LARGE1: variants seen among roughly 807,000 people sequenced by gnomAD.
LARGE1 encodes xylosyl- and glucuronyltransferase LARGE1.
LARGE1 carries 43 observed loss-of-function variants against 87.6 expected under a neutral mutation model. The ratio of observed to expected loss-of-function variants is 0.49; its 90% confidence interval spans 0.38 to 0.63. The LOEUF is 0.63. Among genes scored for constraint, LARGE1 ranks in the 30% least tolerant of loss-of-function variants. The pLI is 0.00. For missense variants in LARGE1, 802 were observed against 1,000.2 expected, an observed-to-expected ratio of 0.80 and a Z score of 2.67; for synonymous variants, 434 against 394.6, an observed-to-expected ratio of 1.10 and a Z score of -1.18.
At position 33,762,213 on chromosome 22, in the gene LARGE1, C is replaced by CAA. The variant is rs56832457; in HGVS notation, c.-82-657_-82-656dup. Among the ~76,000 whole-genome samples, 43 of 84,470 alleles carry CAA rather than the reference C, an allele frequency of 5.1e-4. 3 individuals carry two copies. The highest frequency in any genetic ancestry group is 1.5e-3 in the African/African-American group (30 of 19,582). The allele number at this position is 84,470 out of a possible 152,430, so 55.4% of individuals were successfully genotyped here. A position where few individuals can be genotyped will look rare whatever the true frequency, so the allele number is the denominator to read the frequency against. On this transcript the variant is annotated intron_variant, in intron 1 of 14. Transcript: ENST00000397394. ...AGGGAGACAGAGCGAGATTCTATCT[C>CAA]AAAAAAAAAAAAAAAAAAAAAAAAA...
chr22:33,464,930 C>G (rs1365294655), intron 6 of LARGE1, among the ~76,000 whole-genome samples: 2 of 151,768 alleles, frequency 1.3e-5, no homozygotes, highest in South Asian at 4.2e-4. Context: ...CATACATGCA[C>G]GTACACATAC....
intron 1 of LARGE1, among the ~76,000 whole-genome samples, chr22:33,865,285 A>G (rs993471879): frequency 6.6e-6 from 1 of 152,252 alleles, no homozygotes; most frequent in African/African-American, 2.4e-5. Context: ...GCAAGACTGC[A>G]GATAATTTCA....
At chr22:33,671,710 A>G (rs1299067055) in intron 2 of LARGE1, among the ~76,000 whole-genome samples, 1 of 152,228 alleles carries the variant, frequency 6.6e-6, no homozygotes, top group East Asian at 1.9e-4. Context: ...CCTTTCTCTT[A>G]AGCATCGTTT....
chr22:33,195,555 TAAATTATAGATTTACA>T (rs1333395778), intron 11 of LARGE1, among the ~76,000 whole-genome samples: 1 of 151,974 alleles, frequency 6.6e-6, no homozygotes, highest in Non-Finnish European at 1.5e-5. Flanking sequence ...TATTTGACAT[TAAATTATAGATTTACA>T]ATAATGTATG....
intron 11 of LARGE1, among the ~76,000 whole-genome samples, chr22:33,202,097 C>T (rs115377234): frequency 0.013 from 1,859 of 138,940 alleles, 42 homozygotes; most frequent in African/African-American, 0.045. Flanking sequence ...GATCACATCA[C>T]GGCATGATAA....
At chr22:33,070,017 T>A in the LARGE1 span, among the ~76,000 whole-genome samples, 5 of 152,172 alleles carry the variant, frequency 3.3e-5, no homozygotes, top group East Asian at 5.8e-4. Flanking sequence ...AGATGGGGTT[T>A]CTACATGTTG....
rs556077899 is a variant in LARGE1 at position 33,410,300 on chromosome 22, C to T, written c.892+21861G>A. Among the ~76,000 whole-genome samples the T allele has an allele frequency of 8.5e-5, 13 of 152,150 alleles. 1 individual carries two copies. The highest frequency in any genetic ancestry group is 2.9e-4 in the African/African-American group (12 of 41,512). On this transcript the variant is annotated intron_variant, in intron 7 of 14. Transcript: ENST00000397394. Reference sequence around the variant, plus strand: ...ACTGGGGAGGGAGCTAGAAAAATCCCCAGAGCTAAGTAACTGCTTGATATG... The same window carrying T: ...ACTGGGGAGGGAGCTAGAAAAATCCTCAGAGCTAAGTAACTGCTTGATATG...
rs190660851 is a variant in LARGE1, at chr22:33,868,793, C to T, written c.-83+51202G>A. ...TCATCATGCATTTACTGTATGTCTACCCCATGGCAGGCACAGCACACAGAC... is the reference window on the plus strand; with the variant it reads ...TCATCATGCATTTACTGTATGTCTATCCCATGGCAGGCACAGCACACAGAC... On this transcript the variant is annotated intron_variant, in intron 1 of 14. Coordinates refer to ENST00000397394, the MANE Select transcript of LARGE1 (RefSeq NM_133642.5). Among the ~76,000 whole-genome samples the T allele has an allele frequency of 6.2e-4, 94 of 152,300 alleles. 1 individual carries two copies. The highest frequency in any genetic ancestry group is 4.6e-3 in the Admixed American group (70 of 15,300).
In LARGE1 at chr22:33,882,040, T is replaced by G. The variant is rs1404863432; in HGVS notation, c.-83+37955A>C. On this transcript the variant is annotated intron_variant, in intron 1 of 14. Transcript: ENST00000397394. ...TGCGGGGTTTTTTTGTTTTTGTTTT[T>G]TTTTGTTTTTTTTTTTTTTTGAGAC... Among the ~76,000 whole-genome samples the G allele has an allele frequency of 4.7e-5, 7 of 148,624 alleles. 1 individual carries two copies. The highest frequency in any genetic ancestry group is 1.0e-4 in the African/African-American group (4 of 39,234).
chr22:33,886,656 C>CAAAA lies in LARGE1; in HGVS notation c.-83+33335_-83+33338dup, dbSNP rs869173776. On this transcript the variant is annotated intron_variant, in intron 1 of 14. Transcript: ENST00000397394. ...CCTGGACAACAGAGTGAGATTCTGCCAAAAAAAAAAAAAAAAAAGAAAAAA... is the reference window on the plus strand; with the variant it reads ...CCTGGACAACAGAGTGAGATTCTGCCAAAAAAAAAAAAAAAAAAAAAAGAAAAAA... Among the ~76,000 whole-genome samples, 17 of 34,570 alleles carry CAAAA rather than the reference C, an allele frequency of 4.9e-4. 2 individuals are homozygous for CAAAA. Among genetic ancestry groups the CAAAA allele is most frequent in the African/African-American group, 5.6e-4 (7 of 12,414 alleles). The allele number at this position is 34,570 out of a possible 152,430, so 22.7% of individuals were successfully genotyped here.
chr22:33,224,135 G>A (rs1925601836), intron 11 of LARGE1, among the ~76,000 whole-genome samples: 1 of 152,106 alleles, frequency 6.6e-6, no homozygotes, highest in South Asian at 2.1e-4. Flanking sequence ...GCGTGGTGGT[G>A]GGCACCTGTT....
chr22:33,738,409 T>G (rs1305624298), intron 2 of LARGE1, among the ~76,000 whole-genome samples: 1 of 152,064 alleles, frequency 6.6e-6, no homozygotes, highest in Non-Finnish European at 1.5e-5. Flanking sequence ...GCATCAGGCA[T>G]TTGGAAAGCC....
intron 6 of LARGE1, among the ~76,000 whole-genome samples, chr22:33,540,679 C>T (rs5994772): frequency 0.15 from 22,150 of 152,024 alleles, 2,375 homozygotes; most frequent in African/African-American, 0.3. Context: ...AGGGAGCTTT[C>T]AAAAATACGG....
In LARGE1 at chr22:33,363,487, G is replaced by A. The variant is rs898359091; in HGVS notation, c.1131+18432C>T. Among the ~76,000 whole-genome samples the A allele has an allele frequency of 1.3e-5, 2 of 149,170 alleles. 1 individual carries two copies. Among genetic ancestry groups the A allele is most frequent in the Non-Finnish European group, 3.0e-5 (2 of 67,034 alleles). On this transcript the variant is annotated intron_variant, in intron 9 of 14. Coordinates refer to ENST00000397394, the MANE Select transcript of LARGE1 (RefSeq NM_133642.5). ...TATTCACTGCCACAAGAACAGTATGGGGAAAATCACCCCCGTGATTCAATT... is the reference window on the plus strand; with the variant it reads ...TATTCACTGCCACAAGAACAGTATGAGGAAAATCACCCCCGTGATTCAATT...
chr22:33,421,089 T>C (rs941071732), intron 7 of LARGE1, among the ~76,000 whole-genome samples: 3 of 152,048 alleles, frequency 2.0e-5, no homozygotes, highest in African/African-American at 7.3e-5. Context: ...CTTGGGAGGC[T>C]GAGGTAGGAA....
At chr22:33,186,527 T>C (rs1470944114) in intron 11 of LARGE1, among the ~76,000 whole-genome samples, 1 of 152,168 alleles carries the variant, frequency 6.6e-6, no homozygotes, top group African/African-American at 2.4e-5. Flanking sequence ...GCAAAAATCT[T>C]TGAGCTAACA....
At chr22:33,826,344 CTT>C (rs35127990) in intron 1 of LARGE1, among the ~76,000 whole-genome samples, 11 of 137,810 alleles carry the variant, frequency 8.0e-5, no homozygotes, top group Non-Finnish European at 6.2e-5. Context: ...CTTTGCATAC[CTT>C]TTTTTTTTTT....
At chr22:33,506,621 C>G (rs1195294038) in intron 6 of LARGE1, among the ~76,000 whole-genome samples, 1 of 152,154 alleles carries the variant, frequency 6.6e-6, no homozygotes, top group Non-Finnish European at 1.5e-5. Flanking sequence ...GGAGAACTGG[C>G]CTGGGGCAGT....
intron 13 of LARGE1, among the ~76,000 whole-genome samples, chr22:33,279,838 C>T (rs780994537): frequency 2.0e-5 from 3 of 152,194 alleles, no homozygotes; most frequent in Non-Finnish European, 4.4e-5. Flanking sequence ...ACAGAACTGG[C>T]ACAGCACAGC....
Sources: gnomAD v4.1 joint callset for allele counts (sites outside exome capture counted in the v4.1 genomes callset) on GRCh38, gnomAD v4.1.1 for gene constraint, MANE v1.5 for transcripts, NCBI Gene and HGNC (gene_info 2026-07-23, HGNC 2026-07-21) for gene names.